Variants in GATAD2B observed in about 807,000 individuals in gnomAD.
GATAD2B encodes the protein GATA zinc finger domain containing 2B.
GATAD2B carries 8 observed loss-of-function variants against 64.3 expected under a neutral mutation model. The observed-to-expected ratio is 0.12, with a 90% CI of 0.07 to 0.22. The LOEUF (loss-of-function observed/expected upper bound fraction) is 0.22, where lower values mean the gene tolerates loss of function less well. Among genes scored for constraint, GATAD2B ranks in the 10% least tolerant of loss-of-function variants. The probability of loss-of-function intolerance (pLI) is 1.00; values close to 1 mark genes in which losing one functional copy is unlikely to be tolerated. For synonymous variants in GATAD2B, 281 were observed against 271.3 expected, an observed-to-expected ratio of 1.04 and a Z score of -0.35; for missense variants, 453 against 752.0, an observed-to-expected ratio of 0.60 and a Z score of 4.65.
At chr1:153,829,773 A>T (rs1675011644) in intron 1 of GATAD2B, among the ~76,000 whole-genome samples, 1 of 151,790 alleles carries the variant, frequency 6.6e-6, no homozygotes, top group Admixed American at 6.6e-5. Flanking sequence ...TAAATTAAAA[A>T]GATTCTTTTC....
chr1:153,857,224 T>C (rs1358712760), intron 1 of GATAD2B, among the ~76,000 whole-genome samples: 2 of 151,760 alleles, frequency 1.3e-5, no homozygotes, highest in African/African-American at 4.8e-5. Context: ...GGCAGGCGGA[T>C]CACCTGAGGT....
chr1:153,820,247 T>C (rs1248770986), intron 2 of GATAD2B, among the ~76,000 whole-genome samples: 1 of 151,954 alleles, frequency 6.6e-6, no homozygotes, highest in African/African-American at 2.4e-5. Flanking sequence ...CAGAACCAAA[T>C]ATATTGAACT....
At chr1:153,892,466 A>G (rs925590912) in intron 1 of GATAD2B, among the ~76,000 whole-genome samples, 1 of 152,130 alleles carries the variant, frequency 6.6e-6, no homozygotes, top group Non-Finnish European at 1.5e-5. Flanking sequence ...TCAAAGCATC[A>G]TCACTCACCT....
chr1:153,903,778 G>A (rs1677847011), intron 1 of GATAD2B, among the ~76,000 whole-genome samples: 1 of 151,940 alleles, frequency 6.6e-6, no homozygotes, highest in Non-Finnish European at 1.5e-5. Flanking sequence ...GAGCCTAGGA[G>A]TTGAAAATCA....
rs1674168661 is a variant in GATAD2B at position 153,808,215 on chromosome 1, T to C, written c.*1962A>G. Reference sequence around the variant, plus strand: ...TTACTAGCATCTAGCTTCCAGATCATTTCACCACTGGGGGAGCCCAGACAC... The same window carrying C: ...TTACTAGCATCTAGCTTCCAGATCACTTCACCACTGGGGGAGCCCAGACAC... On this transcript the variant is annotated 3_prime_UTR_variant, in exon 11 of 11. Transcript: ENST00000368655. 6.6e-6 allele frequency: 1 copy of C among 152,582 alleles called. No individual in the cohort carries two copies. Among genetic ancestry groups the C allele is most frequent in the South Asian group, 2.1e-4 (1 of 4,832 alleles). The allele number at this position is 152,582 out of a possible 1,614,324, so 9.5% of individuals were successfully genotyped here. A position where few individuals can be genotyped will look rare whatever the true frequency, so the allele number is the denominator to read the frequency against.
intron 1 of GATAD2B, among the ~76,000 whole-genome samples, chr1:153,909,740 C>T (rs1678058039): frequency 6.6e-6 from 1 of 150,518 alleles, no homozygotes; most frequent in Admixed American, 6.7e-5. Context: ...GAGTTCGAGA[C>T]CAGCCTGGCC....
At chr1:153,845,381 A>C (rs1179381799) in intron 1 of GATAD2B, among the ~76,000 whole-genome samples, 1 of 145,272 alleles carries the variant, frequency 6.9e-6, no homozygotes, top group African/African-American at 2.6e-5. Context: ...ACCCTGTATC[A>C]GTAAAAAAAA....
intron 1 of GATAD2B, among the ~76,000 whole-genome samples, chr1:153,905,654 C>G (rs895260149): frequency 6.6e-6 from 1 of 151,074 alleles, no homozygotes; most frequent in Non-Finnish European, 1.5e-5. Flanking sequence ...TGTGGTAGCC[C>G]GGCATAGTGG....
chr1:153,834,340 C>T (rs1038316162), intron 1 of GATAD2B, among the ~76,000 whole-genome samples: 1 of 151,680 alleles, frequency 6.6e-6, no homozygotes, highest in Admixed American at 6.6e-5. Flanking sequence ...TTTAAAAAAC[C>T]TCCTGGAAAT....
At chr1:153,873,639 C>G (rs993478042) in intron 1 of GATAD2B, among the ~76,000 whole-genome samples, 1 of 152,176 alleles carries the variant, frequency 6.6e-6, no homozygotes, top group Non-Finnish European at 1.5e-5. Flanking sequence ...GCCTCCAGAG[C>G]CGTGAGAAAT....
intron 1 of GATAD2B, among the ~76,000 whole-genome samples, chr1:153,904,703 A>G (rs1677873733): frequency 6.6e-6 from 1 of 151,354 alleles, no homozygotes; most frequent in Admixed American, 6.6e-5. Context: ...CACCAGGCCC[A>G]GCTAATTTTT....
chr1:153,810,908 C>T (rs917377107), intron 10 of GATAD2B, among the ~76,000 whole-genome samples: 4 of 152,038 alleles, frequency 2.6e-5, no homozygotes, highest in African/African-American at 9.7e-5. Context: ...GGATTACAGG[C>T]ACCAGCCACC....
In GATAD2B at chr1:153,839,043, A is replaced by G. The variant is rs1312598212; in HGVS notation, c.-1-10695T>C. On this transcript the variant is annotated intron_variant, in intron 1 of 10. Transcript: ENST00000368655. ...AGAATCACTTGAACCTGGGAGGCAG[A>G]GGTTGCAGTGAACTGAGATCAGGTC... Among the ~76,000 whole-genome samples the G allele has an allele frequency of 3.5e-5, 5 of 143,244 alleles. No homozygotes were observed. The Admixed American group carries it at 3.7e-4, about 11-fold the overall frequency. The allele number at this position is 143,244 out of a possible 152,430, so 94.0% of individuals were successfully genotyped here.
At chr1:153,863,262 C>A (rs1458632506) in intron 1 of GATAD2B, among the ~76,000 whole-genome samples, 1 of 152,044 alleles carries the variant, frequency 6.6e-6, no homozygotes, top group Non-Finnish European at 1.5e-5. Flanking sequence ...GGGTGGATCA[C>A]CTGAGGTCAG....
At position 153,816,098 on chromosome 1, in the gene GATAD2B, ACACT is replaced by A. The variant is rs757117970; in HGVS notation, c.1216+171_1216+174del. On this transcript the variant is annotated intron_variant, in intron 7 of 10. Coordinates refer to ENST00000368655, the MANE Select transcript of GATAD2B (RefSeq NM_020699.4). The surrounding 1 kb of genome is among the most constrained non-coding windows in gnomAD (Gnocchi z 4.9). ...CACACACACACACACACACACACAC[ACACT>A]CCGCTTCTAACATGTTGCTCCCAAA... Among the ~76,000 whole-genome samples the A allele has an allele frequency of 7.3e-6, 1 of 136,316 alleles. No homozygotes were observed. The highest frequency in any genetic ancestry group is 2.7e-5 in the African/African-American group (1 of 36,478). The allele number at this position is 136,316 out of a possible 152,430, so 89.4% of individuals were successfully genotyped here. A position where few individuals can be genotyped will look rare whatever the true frequency, so the allele number is the denominator to read the frequency against.
At chr1:153,863,102 G>C (rs1456870612) in intron 1 of GATAD2B, among the ~76,000 whole-genome samples, 4 of 152,030 alleles carry the variant, frequency 2.6e-5, no homozygotes, top group Non-Finnish European at 5.9e-5. Context: ...TATTTGGGTG[G>C]GGCTAAGGAA....
At chr1:153,914,473 C>A (rs1250154958) in intron 1 of GATAD2B, among the ~76,000 whole-genome samples, 1 of 152,152 alleles carries the variant, frequency 6.6e-6, no homozygotes, top group Admixed American at 6.6e-5. Flanking sequence ...TGGTAAATGG[C>A]AGAACCAAGG....
At chr1:153,904,924 C>T (rs1677881767) in intron 1 of GATAD2B, among the ~76,000 whole-genome samples, 1 of 152,090 alleles carries the variant, frequency 6.6e-6, no homozygotes, top group South Asian at 2.1e-4. Flanking sequence ...TCAGGCTGGT[C>T]TCGAACTCCT....
At chr1:153,812,161 G>A (rs766211971) in intron 8 of GATAD2B, 29 bp from the exon 9 acceptor site, 2 of 1,161,838 alleles carry the variant, frequency 1.7e-6, no homozygotes, top group Non-Finnish European at 2.6e-6. Context: ...TCAGGTGATT[G>A]AGCAGGACAG....
Sources: allele counts gnomAD v4.1 joint callset (sites outside exome capture counted in the v4.1 genomes callset), GRCh38; gene constraint gnomAD v4.1.1; non-coding constraint Gnocchi (gnomAD v3.1); transcripts MANE v1.5; gene names NCBI Gene and HGNC (gene_info 2026-07-23, HGNC 2026-07-21).